DEDD2: variants seen among roughly 807,000 people sequenced by gnomAD.
DEDD2 encodes the protein DNA-binding death effector domain-containing protein 2.
DEDD2 carries 18 observed loss-of-function variants against 28.9 expected under a neutral mutation model. That is an observed-to-expected ratio of 0.62 (90% CI 0.43 to 0.92). DEDD2 has a LOEUF of 0.92. Ranked by LOEUF, DEDD2 falls within the 40% of genes least tolerant of loss-of-function variation. The pLI is 0.00. For missense variants in DEDD2, 411 were observed against 463.3 expected (o/e 0.89, Z 1.04); for synonymous variants, 211 against 206.1 (o/e 1.02, Z -0.20).
chr19:42,215,607 A>G (rs1445113553), intron 2 of DEDD2, among the ~76,000 whole-genome samples: 2 of 152,118 alleles, frequency 1.3e-5, no homozygotes, highest in African/African-American at 2.4e-5. Flanking sequence ...TCTCTTCTAG[A>G]GCGTGATCTT....
chr19:42,206,159 T>C lies in DEDD2; in HGVS notation c.589+3541A>G, dbSNP rs550233019. 1.5e-4 allele frequency among the ~76,000 whole-genome samples: 23 copies of C among 148,524 alleles called. No homozygotes were observed. The East Asian group carries it at 1.8e-3, about 11-fold the overall frequency. ...ATTCAAATCCTCCAACTGCTTTCCATAATAAAAAAAAAAAAAATGCAAAGC... is the reference window on the plus strand; with the variant it reads ...ATTCAAATCCTCCAACTGCTTTCCACAATAAAAAAAAAAAAAATGCAAAGC... On this transcript the variant is annotated intron_variant, in intron 4 of 4. Coordinates refer to ENST00000596251, the MANE Select transcript of DEDD2 (RefSeq NM_133328.4).
chr19:42,206,555 C>T (rs748082802), intron 4 of DEDD2, among the ~76,000 whole-genome samples: 2 of 152,240 alleles, frequency 1.3e-5, no homozygotes, highest in Admixed American at 1.3e-4. Context: ...TTTCCCTGAT[C>T]GTGCCTCTTC....
At chr19:42,202,244 A>C (rs910714254) in intron 4 of DEDD2, among the ~76,000 whole-genome samples, 3 of 151,918 alleles carry the variant, frequency 2.0e-5, no homozygotes, top group Admixed American at 6.6e-5. Flanking sequence ...CCAGGCCTTC[A>C]TCTCTCTCTC....
In DEDD2 at chr19:42,216,762, G is replaced by A. The variant is rs1242325726; in HGVS notation, c.246C>T (p.Asn82=). 5 of 1,593,298 alleles carry A rather than the reference G, an allele frequency of 3.1e-6. No individual in the cohort carries two copies. In the East Asian group the frequency reaches 9.1e-5, roughly 29 times the overall value. The part of the protein sequence containing the change: ...LERRGQCDES[N]LRLLGQLLRV... ...GCAGGAGTTGCCCCAGCAGCCGCAG[G>A]TTGCTCTCGTCGCACTGCCCGCGGC... is the stretch of plus-strand genomic sequence containing the variant. Residue 82 remains asparagine (N), a synonymous_variant, in exon 2 of 5, where the codon AAC becomes AAT. Coordinates refer to ENST00000596251, the MANE Select transcript of DEDD2 (RefSeq NM_133328.4).
chr19:42,208,212 T>C (rs1018278628), intron 4 of DEDD2, among the ~76,000 whole-genome samples: 1 of 152,168 alleles, frequency 6.6e-6, no homozygotes, highest in Non-Finnish European at 1.5e-5. Context: ...CCTCCCCACA[T>C]GACCAAGTGG....
chr19:42,207,317 G>A (rs1381125973), intron 4 of DEDD2, among the ~76,000 whole-genome samples: 1 of 152,198 alleles, frequency 6.6e-6, no homozygotes, highest in African/African-American at 2.4e-5. Flanking sequence ...GAGGGGGCAG[G>A]TGCGCGTGCT....
intron 4 of DEDD2, among the ~76,000 whole-genome samples, chr19:42,201,555 G>A (rs2035332074): frequency 6.6e-6 from 1 of 152,218 alleles, no homozygotes; most frequent in South Asian, 2.1e-4. Flanking sequence ...CTTGACAGAT[G>A]AGGAAACAAG....
At chr19:42,211,157 C>T (rs1013463463) in intron 3 of DEDD2, among the ~76,000 whole-genome samples, 3 of 151,714 alleles carry the variant, frequency 2.0e-5, no homozygotes, top group Non-Finnish European at 4.4e-5. Context: ...TCCCAGCCTA[C>T]GCCCTAGGAG....
Position 42,216,976 on chromosome 19 carries a change from C to T in DEDD2, c.32G>A (p.Cys11Tyr). Residue 11 changes from cysteine (C) to tyrosine (Y), a missense_variant, in exon 2 of 5, where the codon TGC (cysteine) becomes TAC (tyrosine). This residue lies in a region of DEDD2 where 282 missense variants were observed against 273.4 expected (regional missense o/e 1.03). Transcript: ENST00000596251. MALSGSTPAP[C>Y]WEEDECLDYY... ...GTCCAGGCACTCATCCTCCTCCCAGCACGGGGCCGGGGTCGACCCGGATAG... is the reference window on the plus strand; with the variant it reads ...GTCCAGGCACTCATCCTCCTCCCAGTACGGGGCCGGGGTCGACCCGGATAG... 2 of 1,598,820 alleles carry T rather than the reference C, an allele frequency of 1.3e-6. No individual in the cohort carries two copies. Among genetic ancestry groups the T allele is most frequent in the South Asian group, 2.3e-5 (2 of 88,596 alleles).
At chr19:42,215,331 G>A (rs2035925105) in intron 2 of DEDD2, 79 bp from the exon 3 acceptor site, 6 of 1,574,132 alleles carry the variant, frequency 3.8e-6, no homozygotes, top group South Asian at 2.3e-5. Flanking sequence ...CCTGCACCAC[G>A]AGGTGCCTAA....
chr19:42,219,629 T>C (rs1199496435), upstream of DEDD2, among the ~76,000 whole-genome samples: 1 of 152,058 alleles, frequency 6.6e-6, no homozygotes, highest in Non-Finnish European at 1.5e-5. Flanking sequence ...CTCCAAGAAA[T>C]CCCTTCCCCT....
chr19:42,211,463 G>A (rs1189241218), intron 3 of DEDD2, among the ~76,000 whole-genome samples: 2 of 150,384 alleles, frequency 1.3e-5, no homozygotes, highest in East Asian at 1.9e-4. Context: ...GAGGAAGAGA[G>A]GGAGGGAGGA....
chr19:42,204,712 G>C (rs947629779), intron 4 of DEDD2, among the ~76,000 whole-genome samples: 4 of 152,172 alleles, frequency 2.6e-5, no homozygotes, highest in Non-Finnish European at 5.9e-5. Flanking sequence ...TTCCGGCCTT[G>C]CTGGAGAGAG....
At chr19:42,212,466 G>GTTT (rs922815242) in intron 3 of DEDD2, among the ~76,000 whole-genome samples, 1 of 143,372 alleles carries the variant, frequency 7.0e-6, no homozygotes, top group Non-Finnish European at 1.5e-5. Flanking sequence ...CACCCGGCTC[G>GTTT]TTTTTTTTTT....
chr19:42,212,062 A>AATT (rs1555742843), intron 3 of DEDD2: 1 of 143,178 alleles, frequency 7.0e-6, no homozygotes, highest in African/African-American at 2.6e-5. Flanking sequence ...TAATAATAAT[A>AATT]AATTAATTAA....
At position 42,216,758 on chromosome 19, in the gene DEDD2, G is replaced by C; in HGVS notation, c.250C>G (p.Arg84Gly). 1.9e-6 allele frequency: 3 copies of C among 1,593,310 alleles called. No homozygotes were observed. Among genetic ancestry groups the C allele is most frequent in the Non-Finnish European group, 2.6e-6 (3 of 1,170,934 alleles). ...ACGCGCAGGAGTTGCCCCAGCAGCC[G>C]CAGGTTGCTCTCGTCGCACTGCCCG... is the stretch of plus-strand genomic sequence containing the variant. The part of the protein sequence containing the change: ...RRGQCDESNL[R>G]LLGQLLRVLA... Residue 84 changes from arginine (R) to glycine (G), a missense_variant, in exon 2 of 5, where the codon CGG (arginine) becomes GGG (glycine). This residue lies in a region of DEDD2 where 282 missense variants were observed against 273.4 expected (regional missense o/e 1.03). Transcript: ENST00000596251.
At position 42,216,672 on chromosome 19, in the gene DEDD2, A is replaced by C; in HGVS notation, c.328+8T>G. On this transcript the variant is annotated splice_region_variant and intron_variant, in intron 2 of 4. Coordinates refer to ENST00000596251, the MANE Select transcript of DEDD2 (RefSeq NM_133328.4). ...CAGGAAGTGTGACACCCTCCCATTC[A>C]ACCGTACCTGGCCGGCGCCGCTTGC... 3 of 1,555,552 alleles carry C rather than the reference A, an allele frequency of 1.9e-6. No individual in the cohort carries two copies. Among genetic ancestry groups the C allele is most frequent in the Non-Finnish European group, 2.6e-6 (3 of 1,157,370 alleles).
intron 2 of DEDD2, among the ~76,000 whole-genome samples, chr19:42,216,337 C>T (rs1294483215): frequency 6.6e-6 from 1 of 152,158 alleles, no homozygotes; most frequent in Admixed American, 6.5e-5. Context: ...CTTCTCTGAA[C>T]TTGTTATTTT....
chr19:42,209,830 TG>T lies in DEDD2; in HGVS notation c.458del (p.Pro153GlnfsTer42), dbSNP rs758890887. 2.0e-5 allele frequency: 31 copies of T among 1,540,738 alleles called. No homozygotes were observed. The highest frequency in any genetic ancestry group is 6.2e-5 in the Admixed American group (3 of 48,722). On this transcript the variant is annotated frameshift_variant, in exon 4 of 5. Transcript: ENST00000596251. LOFTEE classifies it high-confidence loss of function. ...CCCGACTCCGCCGCTGCCGCTTGGT[TG>T]GGGGGGAGCCTGAGGGGAAAAAAAT... The part of the protein sequence containing the change: ...QQGQWETGSP[P>X]TKRQRRSRGR...
Sources: allele counts gnomAD v4.1 joint callset (sites outside exome capture counted in the v4.1 genomes callset), GRCh38; gene constraint gnomAD v4.1.1; regional missense constraint gnomAD v4.1.1; transcripts MANE v1.5; gene names NCBI Gene and HGNC (gene_info 2026-07-23, HGNC 2026-07-21).